HDAC9: variants seen among roughly 807,000 people sequenced by gnomAD.
HDAC9 encodes the protein MEF-2 interacting transcription repressor (MITR) protein.
In HDAC9, 41 loss-of-function variants were observed where a neutral mutation model predicts 139.4. The observed-to-expected ratio is 0.29, with a 90% CI of 0.23 to 0.38. The LOEUF (loss-of-function observed/expected upper bound fraction) is 0.38, where lower values mean the gene tolerates loss of function less well. Among genes scored for constraint, HDAC9 ranks in the 10% least tolerant of loss-of-function variants. The pLI, the probability that HDAC9 is intolerant of heterozygous loss-of-function variation, is 1.00. For synonymous variants in HDAC9, 517 were observed against 476.2 expected, an observed-to-expected ratio of 1.09 and a Z score of -1.12; for missense variants, 1,147 against 1,297.0, an observed-to-expected ratio of 0.88 and a Z score of 1.78.
At chr7:18,423,305 A>G (rs1789813829) in intron 1 of HDAC9, among the ~76,000 whole-genome samples, 1 of 152,168 alleles carries the variant, frequency 6.6e-6, no homozygotes, top group African/African-American at 2.4e-5. Flanking sequence ...TTTTTTATTT[A>G]AGCGAGGCTA....
At chr7:18,896,660 C>G (rs1801226880) in intron 22 of HDAC9, among the ~76,000 whole-genome samples, 1 of 152,066 alleles carries the variant, frequency 6.6e-6, no homozygotes, top group Non-Finnish European at 1.5e-5. Flanking sequence ...AAACTCCATG[C>G]CAGACTAAAT....
intron 19 of HDAC9, among the ~76,000 whole-genome samples, chr7:18,832,757 C>T (rs113058136): frequency 0.015 from 2,294 of 151,768 alleles, 70 homozygotes; most frequent in African/African-American, 0.052. Context: ...TTTCTTGAGA[C>T]GGAGTTTCGC....
At chr7:18,920,575 T>G (rs1803612397) in intron 22 of HDAC9, among the ~76,000 whole-genome samples, 1 of 152,130 alleles carries the variant, frequency 6.6e-6, no homozygotes, top group South Asian at 2.1e-4. Flanking sequence ...TTGTGCCAGT[T>G]TTCAAAGGGA....
chr7:18,868,639 T>C (rs983503543), intron 21 of HDAC9, among the ~76,000 whole-genome samples: 2 of 152,178 alleles, frequency 1.3e-5, no homozygotes, highest in African/African-American at 4.8e-5. Flanking sequence ...TACAGTTTTT[T>C]TTCTTAGTAG....
intron 1 of HDAC9, among the ~76,000 whole-genome samples, chr7:18,487,224 G>T (rs1164483344): frequency 6.6e-6 from 1 of 152,024 alleles, no homozygotes; most frequent in Non-Finnish European, 1.5e-5. Flanking sequence ...TGAATAAAAA[G>T]AAAGTCTGTT....
chr7:18,512,460 G>A (rs547030656), intron 2 of HDAC9, among the ~76,000 whole-genome samples: 9 of 152,252 alleles, frequency 5.9e-5, no homozygotes, highest in African/African-American at 2.2e-4. Context: ...TAACATTGTT[G>A]AAGGGCATAT....
chr7:18,732,408 A>G (rs1178133), intron 13 of HDAC9, among the ~76,000 whole-genome samples: 27,930 of 150,236 alleles, frequency 0.19, 2,863 homozygotes, highest in East Asian at 0.42. Context: ...GTATTTGTAT[A>G]CATATCTATG....
chr7:18,638,057 T>C (rs1305849449), intron 8 of HDAC9, among the ~76,000 whole-genome samples: 1 of 152,108 alleles, frequency 6.6e-6, no homozygotes, highest in Non-Finnish European at 1.5e-5. Context: ...ATTATTTGCA[T>C]AATATATTGC....
At chr7:18,906,504 G>T (rs1802276996) in intron 22 of HDAC9, among the ~76,000 whole-genome samples, 1 of 152,118 alleles carries the variant, frequency 6.6e-6, no homozygotes. Context: ...CCTCTGCCAA[G>T]AAACATTTTG....
At chr7:18,346,216 T>A (rs1363376379) in intron 1 of HDAC9, among the ~76,000 whole-genome samples, 1 of 152,150 alleles carries the variant, frequency 6.6e-6, no homozygotes, top group Non-Finnish European at 1.5e-5. Context: ...ACCCAAAATG[T>A]TTCTATTTTA....
At chr7:18,868,502 T>A (rs1025807129) in intron 21 of HDAC9, among the ~76,000 whole-genome samples, 1 of 152,222 alleles carries the variant, frequency 6.6e-6, no homozygotes, top group South Asian at 2.1e-4. Context: ...GACACTTTTT[T>A]AATTTCTTGT....
At chr7:18,339,156 T>C (rs962253366) in intron 1 of HDAC9, among the ~76,000 whole-genome samples, 2 of 151,458 alleles carry the variant, frequency 1.3e-5, no homozygotes, top group African/African-American at 4.8e-5. Flanking sequence ...TTTTTTTTTC[T>C]CCATGATCAG....
intron 24 of HDAC9, among the ~76,000 whole-genome samples, chr7:18,961,340 G>A (rs1783515008): frequency 6.6e-6 from 1 of 152,122 alleles, no homozygotes; most frequent in African/African-American, 2.4e-5. Context: ...AAGTAGAATT[G>A]GTATAATATG....
At chr7:18,614,159 T>C (rs1562582220) in intron 6 of HDAC9, among the ~76,000 whole-genome samples, 1 of 152,166 alleles carries the variant, frequency 6.6e-6, no homozygotes, top group Non-Finnish European at 1.5e-5. Context: ...CTTCATTTTT[T>C]TTCCTCTAAG....
chr7:18,285,305 T>G (rs956870932), intron 2 of HDAC9, among the ~76,000 whole-genome samples: 1 of 152,140 alleles, frequency 6.6e-6, no homozygotes, highest in African/African-American at 2.4e-5. Flanking sequence ...GTATCATGAT[T>G]TGTAGAAATT....
intron 11 of HDAC9, among the ~76,000 whole-genome samples, chr7:18,650,701 A>T (rs1178307184): frequency 1.3e-5 from 2 of 152,166 alleles, no homozygotes; most frequent in Admixed American, 1.3e-4. Flanking sequence ...ATCTGTTAAG[A>T]ATTCTTCCCA....
intron 2 of HDAC9, among the ~76,000 whole-genome samples, chr7:18,229,009 G>A (rs1462011663): frequency 6.6e-6 from 1 of 152,038 alleles, no homozygotes; most frequent in Non-Finnish European, 1.5e-5. Context: ...GTTTCATGGG[G>A]CCCTCTTTAA....
At chr7:18,611,023 T>G (rs1836976721) in intron 6 of HDAC9, among the ~76,000 whole-genome samples, 1 of 152,204 alleles carries the variant, frequency 6.6e-6, no homozygotes, top group Admixed American at 6.6e-5. Flanking sequence ...TCATGTGAAA[T>G]CCTTCGTTTT....
intron 2 of HDAC9, among the ~76,000 whole-genome samples, chr7:18,516,202 G>T (rs960515469): frequency 6.6e-6 from 1 of 152,118 alleles, no homozygotes; most frequent in Non-Finnish European, 1.5e-5. Flanking sequence ...TTTATTATGT[G>T]CAGTATAGTT....
Sources: allele counts gnomAD v4.1 joint callset (sites outside exome capture counted in the v4.1 genomes callset), GRCh38; gene constraint gnomAD v4.1.1; transcripts MANE v1.5; gene names NCBI Gene and HGNC (gene_info 2026-07-23, HGNC 2026-07-21).